EOMES: variants seen among roughly 807,000 people sequenced by gnomAD.
EOMES encodes eomesodermin homolog.
In EOMES, 18 loss-of-function variants were observed where a neutral mutation model predicts 61.0. The ratio of observed to expected loss-of-function variants is 0.30; its 90% CI spans 0.20 to 0.44. EOMES has a LOEUF of 0.44. Ranked by LOEUF, EOMES falls within the 20% of genes least tolerant of loss-of-function variation. The pLI, the probability that EOMES is intolerant of heterozygous loss-of-function variation, is 1.00. For synonymous variants in EOMES, 430 were observed against 394.0 expected, an observed-to-expected ratio of 1.09 and a Z score of -1.08; for missense variants, 885 against 939.2, an observed-to-expected ratio of 0.94 and a Z score of 0.75.
In EOMES at chr3:27,720,254, T is replaced by C. The variant is rs921809202; in HGVS notation, c.953A>G (p.Glu318Gly). 3.1e-6 allele frequency: 5 copies of C among 1,613,624 alleles called. No individual in the cohort carries two copies. The highest frequency in any genetic ancestry group is 4.2e-6 in the Non-Finnish European group (5 of 1,179,736). ...GTGGTTGGGGTCCGCCAGCACCACC[T>C]CTACGAACACATTGTAGTGGGCAGT... Reference protein sequence around the residue: ...NPTAHYNVFVEVVLADPNHWR... With the variant: ...NPTAHYNVFVGVVLADPNHWR... Residue 318 changes from glutamate to glycine, a missense_variant, in exon 2 of 6, where the codon GAG becomes GGG. Coordinates refer to ENST00000449599, the MANE Select transcript of EOMES (RefSeq NM_001278182.2).
Position 27,718,886 on chromosome 3 carries a change from A to G in EOMES, c.1166T>C (p.Val389Ala), listed in dbSNP as rs2060589511. 6 of 1,610,484 alleles carry G rather than the reference A, an allele frequency of 3.7e-6. No homozygotes were observed. Among genetic ancestry groups the G allele is most frequent in the Non-Finnish European group, 5.1e-6 (6 of 1,177,474 alleles). ...GANNNNTQMIVLQSLHKYQPR... is the reference protein window; with the variant it reads ...GANNNNTQMIALQSLHKYQPR... ...TTGGTATTTGTGTAAGGATTGTAAG[A>G]CTATCATCTGGAAAGAGTACAGAAA... is the stretch of plus-strand genomic sequence containing the variant. Residue 389 changes from valine (V) to alanine (A), a missense_variant, in exon 4 of 6, where the codon GTC becomes GCC. Physicochemically the swap from Val to Ala is moderately conservative, Grantham distance 64 (BLOSUM62 0). Coordinates refer to ENST00000449599, the MANE Select transcript of EOMES (RefSeq NM_001278182.2).
At chr3:27,719,606 G>A in intron 2 of EOMES, 125 bp from the exon 3 acceptor site, 1 of 883,674 alleles carries the variant, frequency 1.1e-6, no homozygotes. Flanking sequence ...TGGTCTCCCA[G>A]TAAAAGTTGC....
Position 27,717,732 on chromosome 3 carries a change from C to G in EOMES, c.1456G>C (p.Gly486Arg). 1 of 1,613,730 alleles carries G rather than the reference C, an allele frequency of 6.2e-7. No individual in the cohort carries two copies. The highest frequency in any genetic ancestry group is 8.5e-7 in the Non-Finnish European group (1 of 1,179,896). The change falls in exon 6 of 6, where the codon GGA becomes CGA. Residue 486 changes from glycine (G) to arginine (R), a missense_variant. This residue lies in a region of EOMES where 259 missense variants were observed against 282.3 expected (regional missense o/e 0.92). Transcript: ENST00000449599. The surrounding 1 kb of genome is among the most constrained non-coding windows in gnomAD (Gnocchi z 4.5). ...DSPRSHQIVPGGRYGVQSFFP... is the reference protein window; with the variant it reads ...DSPRSHQIVPRGRYGVQSFFP... ...AAGGATTGAACGCCGTACCGACCTC[C>G]AGGGACAATCTGATGGGATCTAGGA...
intron 4 of EOMES, 30 bp from the exon 5 acceptor site, chr3:27,718,678 T>C (rs1450473519): frequency 1.9e-6 from 3 of 1,612,312 alleles, no homozygotes; most frequent in Non-Finnish European, 2.5e-6. Context: ...AGTCATTGAG[T>C]GATTTATCAT....
At chr3:27,720,132 C>G in intron 2 of EOMES, 39 bp downstream of exon 2, 1 of 1,520,348 alleles carries the variant, frequency 6.6e-7, no homozygotes, top group Non-Finnish European at 8.8e-7. Flanking sequence ...GATTTCTTCC[C>G]GCCCGTTCCT....
In EOMES at chr3:27,717,336, C is replaced by G; in HGVS notation, c.1852G>C (p.Val618Leu). The change falls in exon 6 of 6, where the codon GTG (valine) becomes CTG (leucine). Residue 618 changes from valine to leucine, a missense_variant. Transcript: ENST00000449599. The surrounding 1 kb of genome is among the most constrained non-coding windows in gnomAD (Gnocchi z 4.5). ...LPWTSRTSPT[V>L]FSEDQLSKEK... Reference sequence around the variant, plus strand: ...TTGGAGAGCTGATCTTCAGAGAACACAGTGGGGCTTGTTCTGGAGGTCCAT... The same window carrying G: ...TTGGAGAGCTGATCTTCAGAGAACAGAGTGGGGCTTGTTCTGGAGGTCCAT... 1 of 1,614,176 alleles carries G rather than the reference C, an allele frequency of 6.2e-7. No homozygotes were observed. The highest frequency in any genetic ancestry group is 8.5e-7 in the Non-Finnish European group (1 of 1,180,012).
intron 2 of EOMES, 94 bp from the exon 3 acceptor site, chr3:27,719,575 T>C: frequency 1.7e-6 from 2 of 1,151,946 alleles, no homozygotes; most frequent in Non-Finnish European, 2.5e-6. Context: ...ATGAGCAAGA[T>C]ATAAGAGCTA....
In EOMES at chr3:27,717,647, G is replaced by A; in HGVS notation, c.1541C>T (p.Thr514Ile). The change falls in exon 6 of 6, where the codon ACC (threonine) becomes ATC (isoleucine). Residue 514 changes from threonine to isoleucine, a missense_variant. By Grantham distance (89) the Thr-to-Ile change is moderately conservative. Around this residue, in one of 3 missense-constraint regions of EOMES, gnomAD observed 259 missense variants for 282.3 expected, o/e 0.92. Coordinates refer to ENST00000449599, the MANE Select transcript of EOMES (RefSeq NM_001278182.2). The surrounding 1 kb of genome is among the most constrained non-coding windows in gnomAD (Gnocchi z 4.5). The stretch of plus-strand genomic sequence containing the variant: ...AAGGAGGCCGTTGGTCTGTGGCACG[G>A]TTCTCTCGCCATTATAATAGCGGGC... ...PQARYYNGER[T>I]VPQTNGLLSP... is the part of the protein sequence containing the mutation. 1 of 1,614,064 alleles carries A rather than the reference G, an allele frequency of 6.2e-7. No individual in the cohort carries two copies. Among genetic ancestry groups the A allele is most frequent in the Middle Eastern group, 1.6e-4 (1 of 6,062 alleles).
chr3:27,716,811 C>T lies in EOMES; in HGVS notation c.*259G>A, dbSNP rs770339620. 28 of 432,046 alleles carry T rather than the reference C, an allele frequency of 6.5e-5. No homozygotes were observed. The highest frequency in any genetic ancestry group is 9.8e-5 in the Non-Finnish European group (24 of 246,102). The allele number at this position is 432,046 out of a possible 1,614,324, so 26.8% of individuals were successfully genotyped here. ...TTAGTGTCTCCCCAATAAATAAATA[C>T]AGAACCTTGGATACCCTTCGAATTT... On this transcript the variant is annotated 3_prime_UTR_variant, in exon 6 of 6. Transcript: ENST00000449599.
Position 27,722,046 on chromosome 3 carries a change from G to A in EOMES, c.249C>T (p.Thr83=), listed in dbSNP as rs915449770. ...CGCTGGCAAATGCGTCCCCGGCGTCGGTGTCACTAAGCATGGCCGCGGGGG... is the reference window on the plus strand; with the variant it reads ...CGCTGGCAAATGCGTCCCCGGCGTCAGTGTCACTAAGCATGGCCGCGGGGG... ...AGAPAAMLSD[T]DAGDAFASAA... is the part of the protein sequence containing the mutation. The change falls in exon 1 of 6, where the codon ACC becomes ACT. Residue 83 remains threonine, a synonymous_variant. Coordinates refer to ENST00000449599, the MANE Select transcript of EOMES (RefSeq NM_001278182.2). The A allele has an allele frequency of 6.5e-7, 1 of 1,532,130 alleles. No individual in the cohort carries two copies. The highest frequency in any genetic ancestry group is 8.8e-7 in the Non-Finnish European group (1 of 1,139,732). 94.9% of individuals were successfully genotyped at this position (1,532,130 alleles called of 1,614,324 possible). A position where few individuals can be genotyped will look rare whatever the true frequency, so the allele number is the denominator to read the frequency against.
rs987667199 is a variant in EOMES at position 27,721,475 on chromosome 3, G to A, written c.820C>T (p.Arg274Trp). 1 of 1,613,592 alleles carries A rather than the reference G, an allele frequency of 6.2e-7. No homozygotes were observed. Among genetic ancestry groups the A allele is most frequent in the Admixed American group, 1.7e-5 (1 of 59,998 alleles). ...CGGTGGAATTTGAGCCACAGAGGCC[G>A]GTTGCACAGGTAGACGTGGGCACGG... The part of the protein sequence containing the change: ...GFRAHVYLCN[R>W]PLWLKFHRHQ... The change falls in exon 1 of 6, where the codon CGG (arginine) becomes TGG (tryptophan). Residue 274 changes from arginine (R) to tryptophan (W), a missense_variant. This residue lies in a region of EOMES where 177 missense variants were observed against 273.3 expected (regional missense o/e 0.65). Transcript: ENST00000449599. The surrounding 1 kb of genome is among the most constrained non-coding windows in gnomAD (Gnocchi z 7.4).
chr3:27,722,589 C>G, upstream of EOMES: 1 of 1,206,388 alleles, frequency 8.3e-7, no homozygotes, highest in Non-Finnish European at 1.0e-6. Flanking sequence ...GGACCCCCAC[C>G]CTCCTCCCAG....
chr3:27,718,140 C>T (rs34287234), intron 5 of EOMES, among the ~76,000 whole-genome samples: 1,658 of 151,804 alleles, frequency 0.011, 8 homozygotes, highest in Non-Finnish European at 0.018. Flanking sequence ...CTGGCTGTGG[C>T]GGTAGAAAAC....
At position 27,717,433 on chromosome 3, in the gene EOMES, G is replaced by T; in HGVS notation, c.1755C>A (p.Asp585Glu). 1 of 1,614,204 alleles carries T rather than the reference G, an allele frequency of 6.2e-7. No individual in the cohort carries two copies. Among genetic ancestry groups the T allele is most frequent in the Non-Finnish European group, 8.5e-7 (1 of 1,180,042 alleles). Residue 585 changes from aspartate (D) to glutamate (E), a missense_variant, in exon 6 of 6, where the codon GAC (aspartate) becomes GAA (glutamate). Transcript: ENST00000449599. The surrounding 1 kb of genome is among the most constrained non-coding windows in gnomAD (Gnocchi z 4.5). ...ACCCTGCCATTGCAGGAAAGGTTGG[G>T]TCTGGGTAATACCCCAGGGCATGGG... ...QTSHALGYYP[D>E]PTFPAMAGWG...
chr3:27,722,571 G>A, upstream of EOMES: 3 of 1,252,404 alleles, frequency 2.4e-6, no homozygotes, highest in Non-Finnish European at 3.0e-6. Flanking sequence ...CGTACCTCTT[G>A]CTCCTCAGGA....
Position 27,721,931 on chromosome 3 carries a change from CGGCGGCTGCAGCGGCGGA to C in EOMES, c.346_363del (p.Ser116_Ala121del), listed in dbSNP as rs1160399759. The C allele has an allele frequency of 1.2e-5, 16 of 1,369,496 alleles. No homozygotes were observed. The African/African-American group carries it at 2.5e-4, about 22-fold the overall frequency. The allele number at this position is 1,369,496 out of a possible 1,614,324, so 84.8% of individuals were successfully genotyped here. A position where few individuals can be genotyped will look rare whatever the true frequency, so the allele number is the denominator to read the frequency against. ...GCCGCAGCCGCGGCGGCGGCGGCGG[CGGCGGCTGCAGCGGCGGA>C]GGGCAGCTCCTCCTCCCCGCAGGGG... On this transcript the variant is annotated inframe_deletion, in exon 1 of 6. Transcript: ENST00000449599. The surrounding 1 kb of genome is among the most constrained non-coding windows in gnomAD (Gnocchi z 7.4).
At position 27,717,217 on chromosome 3, in the gene EOMES, A is replaced by C; in HGVS notation, c.1971T>G (p.Ser657Arg). ...GAGACAGCCGCCTTCGCTTACAAGC[A>C]CTGGTGTATACTCCTGAATCATTGG... ...LDSNDSGVYT[S>R]ACKRRRLSPS... Residue 657 changes from serine to arginine, a missense_variant, in exon 6 of 6, where the codon AGT becomes AGG. Ser to Arg is a moderately radical substitution (Grantham distance 110). Coordinates refer to ENST00000449599, the MANE Select transcript of EOMES (RefSeq NM_001278182.2). The surrounding 1 kb of genome is among the most constrained non-coding windows in gnomAD (Gnocchi z 4.5). The C allele has an allele frequency of 6.2e-7, 1 of 1,613,264 alleles. No homozygotes were observed. The highest frequency in any genetic ancestry group is 8.5e-7 in the Non-Finnish European group (1 of 1,179,140).
chr3:27,717,854 G>A lies in EOMES; in HGVS notation c.1380-46C>T. On this transcript the variant is annotated intron_variant, in intron 5 of 5. Coordinates refer to ENST00000449599, the MANE Select transcript of EOMES (RefSeq NM_001278182.2). This position sits in a 1 kb window ranked among gnomAD's most constrained non-coding sequence, Gnocchi z 4.5. ...CTTAAAAAAAAAAAAAAACCCTAAT[G>A]TTGTCCCCAAACAAACCACCTCCCA... 8.1e-7 allele frequency: 1 copy of A among 1,236,278 alleles called. No homozygotes were observed. Among genetic ancestry groups the A allele is most frequent in the South Asian group, 1.6e-5 (1 of 61,422 alleles). The allele number at this position is 1,236,278 out of a possible 1,614,324, so 76.6% of individuals were successfully genotyped here.
chr3:27,718,684 A>C (rs200264554), intron 4 of EOMES, 36 bp from the exon 5 acceptor site: 1 of 1,612,814 alleles, frequency 6.2e-7, no homozygotes, highest in Non-Finnish European at 8.5e-7. Flanking sequence ...TGAGTGATTT[A>C]TCATGCTGGA....
Sources: allele counts gnomAD v4.1 joint callset (sites outside exome capture counted in the v4.1 genomes callset), GRCh38; gene constraint gnomAD v4.1.1; regional missense constraint gnomAD v4.1.1; non-coding constraint Gnocchi (gnomAD v3.1); transcripts MANE v1.5; gene names NCBI Gene and HGNC (gene_info 2026-07-23, HGNC 2026-07-21).